The following CLVS1 variants were observed in gnomAD, a reference collection of about 807,000 sequenced individuals.
The protein encoded by CLVS1 is clavesin 1, also known as clavesin-1.
In CLVS1, 10 loss-of-function variants were observed where a neutral mutation model predicts 33.1. The observed-to-expected ratio is 0.30, with a 90% confidence interval of 0.19 to 0.51. CLVS1 has a LOEUF of 0.51. Ranked by LOEUF, CLVS1 falls within the 20% of genes least tolerant of loss-of-function variation. CLVS1 has a pLI of 0.97. For synonymous variants in CLVS1, 163 were observed against 166.1 expected (o/e 0.98, Z 0.14); for missense variants, 343 against 433.4 (o/e 0.79, Z 1.85).
intron 2 of CLVS1, chr8:61,202,907 A>T: frequency 9.1e-7 from 1 of 1,101,412 alleles, no homozygotes; most frequent in Non-Finnish European, 1.4e-6. Context: ...GAAGCTGAAG[A>T]AAAAGTGCCA....
intron 1 of CLVS1, among the ~76,000 whole-genome samples, chr8:61,097,991 C>CA (rs1264411239): frequency 2.0e-5 from 3 of 152,004 alleles, no homozygotes; most frequent in Admixed American, 6.6e-5. Flanking sequence ...TCTGTCTCTA[C>CA]AAAAAAATTT....
intron 3 of CLVS1, among the ~76,000 whole-genome samples, chr8:61,403,891 G>C (rs766265202): frequency 5.3e-5 from 8 of 152,222 alleles, no homozygotes; most frequent in Non-Finnish European, 8.8e-5. Context: ...CTTCGAGAAA[G>C]CAGAAGAGTT....
At chr8:61,262,642 T>C (rs1163279016) in intron 2 of CLVS1, among the ~76,000 whole-genome samples, 1 of 152,196 alleles carries the variant, frequency 6.6e-6, no homozygotes, top group East Asian at 1.9e-4. Flanking sequence ...CCTGGAAAGA[T>C]AGAGATTAGG....
intron 2 of CLVS1, among the ~76,000 whole-genome samples, chr8:61,268,345 C>G (rs1482304653): frequency 2.0e-5 from 3 of 151,826 alleles, no homozygotes; most frequent in African/African-American, 2.4e-5. Context: ...AGGACATGAA[C>G]TCATCATTTT....
intron 2 of CLVS1, among the ~76,000 whole-genome samples, chr8:61,232,601 T>C (rs1399526276): frequency 6.6e-6 from 1 of 152,190 alleles, no homozygotes; most frequent in Admixed American, 6.5e-5. Context: ...CTGCATGTGG[T>C]GATGTGAGAA....
rs1015605390 is a variant in CLVS1, at chr8:61,090,954, A to AG, written c.-243+33727dup. The stretch of plus-strand genomic sequence containing the variant: ...ATGTGCGTGAATCTTTAAGGATCAG[A>AG]GGGTAGACTGTGGTAGACTGATTAA... On this transcript the variant is annotated intron_variant, in intron 1 of 2. Transcript: ENST00000522621. 5.8e-6 allele frequency: 3 copies of AG among 516,240 alleles called. No individual in the cohort carries two copies. In the African/African-American group the frequency reaches 5.8e-5, roughly 10 times the overall value. 32.0% of individuals were successfully genotyped at this position (516,240 alleles called of 1,614,324 possible). A position where few individuals can be genotyped will look rare whatever the true frequency, so the allele number is the denominator to read the frequency against.
intron 2 of CLVS1, among the ~76,000 whole-genome samples, chr8:61,206,230 A>G (rs1807837417): frequency 6.6e-6 from 1 of 152,184 alleles, no homozygotes; most frequent in South Asian, 2.1e-4. Flanking sequence ...ATCTTTGTTA[A>G]AACCCTAACC....
the CLVS1 span, among the ~76,000 whole-genome samples, chr8:61,030,553 C>G: frequency 6.6e-6 from 1 of 152,182 alleles, no homozygotes; most frequent in Non-Finnish European, 1.5e-5. Context: ...GGGCAAAGCT[C>G]AGTCTCCTTC....
At chr8:61,430,458 G>T (rs188808282) in intron 3 of CLVS1, among the ~76,000 whole-genome samples, 18 of 152,260 alleles carry the variant, frequency 1.2e-4, no homozygotes, top group Non-Finnish European at 2.5e-4. Flanking sequence ...CCCCCCAAGG[G>T]CACTTACTTG....
intron 2 of CLVS1, among the ~76,000 whole-genome samples, chr8:61,222,164 T>C (rs1324844197): frequency 6.6e-6 from 1 of 152,170 alleles, no homozygotes; most frequent in East Asian, 1.9e-4. Context: ...GGAGGGTTTT[T>C]TTCTGTCTCT....
At chr8:61,491,434 G>A (rs1804085455) in intron 5 of CLVS1, among the ~76,000 whole-genome samples, 1 of 152,184 alleles carries the variant, frequency 6.6e-6, no homozygotes, top group South Asian at 2.1e-4. Context: ...CCAGTCATCT[G>A]CAGTCATAAA....
intron 2 of CLVS1, among the ~76,000 whole-genome samples, chr8:61,245,334 C>T (rs928662939): frequency 6.6e-6 from 1 of 151,742 alleles, no homozygotes; most frequent in Non-Finnish European, 1.5e-5. Flanking sequence ...AGGCATGCGC[C>T]ACCATGCCTG....
In CLVS1 at chr8:61,166,889, TC is replaced by T. The variant is rs202089366; in HGVS notation, c.-152+35030del. 1.3e-3 allele frequency among the ~76,000 whole-genome samples: 192 copies of T among 148,850 alleles called. 2 individuals are homozygous for T. The highest frequency in any genetic ancestry group is 3.5e-3 in the Middle Eastern group (1 of 282). ...TAGGTCATAATTTTTTTCTTTTTTTTCTTTTTTCTTTAAGAACTTTCTTCTT... is the reference window on the plus strand; with the variant it reads ...TAGGTCATAATTTTTTTCTTTTTTTTTTTTTTCTTTAAGAACTTTCTTCTT... On this transcript the variant is annotated intron_variant, in intron 2 of 2. Coordinates refer to the CLVS1 transcript ENST00000522621.
At chr8:61,390,363 A>G (rs1052519178) in intron 3 of CLVS1, among the ~76,000 whole-genome samples, 2 of 152,222 alleles carry the variant, frequency 1.3e-5, no homozygotes, top group African/African-American at 4.8e-5. Flanking sequence ...GATTGTTCCC[A>G]GTGCTTTCAG....
At chr8:61,464,344 T>C (rs1244948167) in intron 5 of CLVS1, among the ~76,000 whole-genome samples, 1 of 152,200 alleles carries the variant, frequency 6.6e-6, no homozygotes, top group African/African-American at 2.4e-5. Flanking sequence ...AACCCATCCG[T>C]GGTACACTTG....
At chr8:61,137,043 T>C (rs994865230) in intron 2 of CLVS1, among the ~76,000 whole-genome samples, 5 of 152,188 alleles carry the variant, frequency 3.3e-5, no homozygotes, top group African/African-American at 9.7e-5. Context: ...GCGGGTGTCT[T>C]CTATATAAAA....
At chr8:61,358,364 G>A (rs907360782) in intron 2 of CLVS1, among the ~76,000 whole-genome samples, 1 of 152,166 alleles carries the variant, frequency 6.6e-6, no homozygotes, top group African/African-American at 2.4e-5. Flanking sequence ...AGCCTTGTTA[G>A]TTTTCCCATT....
chr8:61,438,069 G>A (rs1233295652), intron 3 of CLVS1, among the ~76,000 whole-genome samples: 2 of 151,984 alleles, frequency 1.3e-5, no homozygotes, highest in East Asian at 3.8e-4. Context: ...TGCACAATAT[G>A]CAGGTTTGTT....
At chr8:61,422,844 T>C (rs1187425458) in intron 3 of CLVS1, among the ~76,000 whole-genome samples, 2 of 152,194 alleles carry the variant, frequency 1.3e-5, no homozygotes, top group Non-Finnish European at 2.9e-5. Context: ...AGAGGAAACC[T>C]GCTGATAGCT....
Sources: gnomAD v4.1 joint callset for allele counts (sites outside exome capture counted in the v4.1 genomes callset) on GRCh38, gnomAD v4.1.1 for gene constraint, MANE v1.5 for transcripts, NCBI Gene and HGNC (gene_info 2026-07-23, HGNC 2026-07-21) for gene names.